Variants in RARB observed in about 807,000 individuals in gnomAD.
RARB encodes retinoic acid receptor beta.
Under a neutral mutation model 51.9 loss-of-function variants are expected in RARB, and 17 were observed. The ratio of observed to expected loss-of-function variants is 0.33; its 90% CI spans 0.22 to 0.49. The LOEUF is 0.49. Among genes scored for constraint, RARB ranks in the 20% least tolerant of loss-of-function variants. The pLI, the probability that RARB is intolerant of heterozygous loss-of-function variation, is 0.99. For synonymous variants in RARB, 215 were observed against 195.4 expected, an observed-to-expected ratio of 1.10 and a Z score of -0.84; for missense variants, 369 against 550.8, an observed-to-expected ratio of 0.67 and a Z score of 3.30.
intron 3 of RARB, among the ~76,000 whole-genome samples, chr3:25,502,627 G>A (rs1153584): frequency 0.51 from 77,211 of 152,074 alleles, 20,699 homozygotes; most frequent in African/African-American, 0.68. Context: ...GCCAATCAGT[G>A]TATTTTATGT....
chr3:25,206,780 A>C (rs1041050259), intron 5 of RARB, among the ~76,000 whole-genome samples: 3 of 152,170 alleles, frequency 2.0e-5, no homozygotes, highest in Non-Finnish European at 4.4e-5. Flanking sequence ...CATGCCCGAT[A>C]GCTTCCAAGA....
chr3:25,302,090 C>A (rs1237908567), intron 5 of RARB, among the ~76,000 whole-genome samples: 2 of 152,176 alleles, frequency 1.3e-5, no homozygotes, highest in African/African-American at 4.8e-5. Flanking sequence ...CTACTTTATA[C>A]TCACTACCAT....
chr3:24,860,439 A>T (rs1702729636), intron 2 of RARB, among the ~76,000 whole-genome samples: 2 of 152,102 alleles, frequency 1.3e-5, no homozygotes, highest in African/African-American at 4.8e-5. Context: ...GTTTCTTTAC[A>T]TTCTGCTTTT....
At chr3:24,943,926 A>G (rs559278111) in intron 2 of RARB, among the ~76,000 whole-genome samples, 8 of 152,320 alleles carry the variant, frequency 5.3e-5, no homozygotes, top group African/African-American at 1.9e-4. Flanking sequence ...TAATTTTCAA[A>G]GTGAAAGTGA....
chr3:24,917,121 T>C (rs542364665), intron 2 of RARB, among the ~76,000 whole-genome samples: 1 of 152,324 alleles, frequency 6.6e-6, no homozygotes, highest in Admixed American at 6.5e-5. Context: ...AATGAAGTCT[T>C]GGGGTATGAA....
intron 2 of RARB, among the ~76,000 whole-genome samples, chr3:25,016,135 C>T (rs553469296): frequency 8.5e-5 from 13 of 152,224 alleles, no homozygotes; most frequent in African/African-American, 2.9e-4. Context: ...GAGTTACCTG[C>T]CTGTCGCTTG....
intron 3 of RARB, among the ~76,000 whole-genome samples, chr3:25,081,609 ATATATATATATAT>A (rs1699000833): frequency 9.8e-5 from 1 of 10,194 alleles, no homozygotes; most frequent in African/African-American, 4.2e-4. Context: ...ATATATATAT[ATATATATATATAT>A]TTTTTTTTTT....
chr3:25,033,661 G>C (rs1055667330), intron 2 of RARB, among the ~76,000 whole-genome samples: 1 of 152,100 alleles, frequency 6.6e-6, no homozygotes, highest in Non-Finnish European at 1.5e-5. Flanking sequence ...ATCCAAACAT[G>C]AAGATTTCAG....
intron 5 of RARB, among the ~76,000 whole-genome samples, chr3:25,244,050 T>G: frequency 6.6e-6 from 1 of 152,170 alleles, no homozygotes; most frequent in East Asian, 1.9e-4. Flanking sequence ...AAGGTGTATG[T>G]GTCCAGGAAT....
intron 2 of RARB, among the ~76,000 whole-genome samples, chr3:24,992,384 C>G (rs1696931675): frequency 6.6e-6 from 1 of 152,050 alleles, no homozygotes; most frequent in South Asian, 2.1e-4. Flanking sequence ...TTTCTGTCCT[C>G]TTAAACAGCT....
chr3:25,210,403 C>T (rs1255798218), intron 5 of RARB, among the ~76,000 whole-genome samples: 1 of 151,986 alleles, frequency 6.6e-6, no homozygotes, highest in East Asian at 1.9e-4. Context: ...CTTGAGTGAA[C>T]AAGATTTTCT....
chr3:25,087,353 A>T (rs552052798), intron 3 of RARB, among the ~76,000 whole-genome samples: 1 of 152,066 alleles, frequency 6.6e-6, no homozygotes, highest in African/African-American at 2.4e-5. Context: ...TCAGGTTTTG[A>T]AGGATATATA....
At chr3:25,367,084 A>T (rs1035796325) in intron 5 of RARB, among the ~76,000 whole-genome samples, 2 of 152,154 alleles carry the variant, frequency 1.3e-5, no homozygotes, top group African/African-American at 4.8e-5. Flanking sequence ...TTTCTTGTCA[A>T]TCTAAACATG....
At chr3:25,162,001 T>C (rs1330803565) in intron 4 of RARB, among the ~76,000 whole-genome samples, 2 of 152,160 alleles carry the variant, frequency 1.3e-5, no homozygotes, top group African/African-American at 4.8e-5. Flanking sequence ...GCCTCACACC[T>C]TGGGCATGTA....
rs996330599 is a variant in RARB, at chr3:24,918,450, G to A, written c.-380+59698G>A. 3.9e-5 allele frequency among the ~76,000 whole-genome samples: 6 copies of A among 152,266 alleles called. No individual in the cohort carries two copies. The South Asian group carries it at 6.2e-4, about 16-fold the overall frequency. ...GAAAGTGGGGTCTTTTTGGGGTGAC[G>A]GAGATATTTTAAAACTTGAGTGTGA... is the stretch of plus-strand genomic sequence containing the variant. On this transcript the variant is annotated intron_variant, in intron 2 of 11. Coordinates refer to the RARB transcript ENST00000383772.
chr3:25,207,918 A>G (rs1218379588), intron 5 of RARB, among the ~76,000 whole-genome samples: 3 of 152,050 alleles, frequency 2.0e-5, no homozygotes, highest in African/African-American at 7.2e-5. Context: ...TGGTGCTGGC[A>G]TCTGCTTGGG....
intron 5 of RARB, among the ~76,000 whole-genome samples, chr3:25,187,272 T>G (rs1161227587): frequency 6.6e-6 from 1 of 152,044 alleles, no homozygotes; most frequent in Non-Finnish European, 1.5e-5. Context: ...AAATAAACAT[T>G]GTTTAGAAAA....
chr3:25,416,241 T>C (rs1707699429), intron 5 of RARB, among the ~76,000 whole-genome samples: 2 of 152,032 alleles, frequency 1.3e-5, no homozygotes, highest in Admixed American at 1.3e-4. Context: ...TAAAAACAAT[T>C]AGTCAGGCAT....
chr3:25,274,016 A>T (rs1703319396), intron 5 of RARB, among the ~76,000 whole-genome samples: 1 of 151,860 alleles, frequency 6.6e-6, no homozygotes, highest in Admixed American at 6.6e-5. Context: ...GATGGTTCTC[A>T]CTCTCAACTT....
Sources: gnomAD v4.1 joint callset for allele counts (sites outside exome capture counted in the v4.1 genomes callset) on GRCh38, gnomAD v4.1.1 for gene constraint, MANE v1.5 for transcripts, NCBI Gene and HGNC (gene_info 2026-07-23, HGNC 2026-07-21) for gene names.